TVP23A: variants seen among roughly 807,000 people sequenced by gnomAD.
The protein encoded by TVP23A is Golgi apparatus membrane protein TVP23 homolog A.
In TVP23A, 21 loss-of-function variants were observed where a neutral mutation model predicts 31.7. That is an observed-to-expected ratio of 0.66 (90% confidence interval 0.47 to 0.95). TVP23A has a LOEUF of 0.95. Among genes scored for constraint, TVP23A ranks in the 40% least tolerant of loss-of-function variants. The pLI, the probability that TVP23A is intolerant of heterozygous loss-of-function variation, is 0.00. For missense variants in TVP23A, 279 were observed against 255.6 expected (o/e 1.09, Z -0.62); for synonymous variants, 104 against 96.0 (o/e 1.08, Z -0.49).
chr16:10,769,020 C>A lies in TVP23A; in HGVS notation c.*82G>T, dbSNP rs201978663. The A allele has an allele frequency of 1.9e-6, 3 of 1,612,436 alleles. No homozygotes were observed. In the East Asian group the frequency reaches 6.7e-5, roughly 36 times the overall value. ...TCAAGGGGTAGACAAGCCATTAGCA[C>A]TCTATGCCTGTCGTCTTGTTTTCCA... is the stretch of plus-strand genomic sequence containing the variant. On this transcript the variant is annotated 3_prime_UTR_variant, in exon 8 of 8. Coordinates refer to ENST00000299866, the MANE Select transcript of TVP23A (RefSeq NM_001079512.4).
rs2032125734 is a variant in TVP23A at position 10,777,574 on chromosome 16, G to A, written c.90-2478C>T. Among the ~76,000 whole-genome samples the A allele has an allele frequency of 6.7e-6, 1 of 148,948 alleles. No homozygotes were observed. On this transcript the variant is annotated intron_variant, in intron 2 of 7. Transcript: ENST00000299866. This position sits in a 1 kb window ranked among gnomAD's most constrained non-coding sequence, Gnocchi z 4.5. ...ACTCCCAGGGGAATGTTAAGATTCA[G>A]AAGCAGACTTCACAGTGACTTTTTT...
Position 10,815,575 on chromosome 16 carries a change from C to T in TVP23A, c.89+2528G>A, listed in dbSNP as rs547426950. ...TTTATGGATGGGCTGCTACTGGCAT[C>T]TGGTGAATAGAGGCCAGGAATGCTG... On this transcript the variant is annotated intron_variant, in intron 2 of 7. Coordinates refer to ENST00000299866, the MANE Select transcript of TVP23A (RefSeq NM_001079512.4). Among the ~76,000 whole-genome samples, 18 of 152,300 alleles carry T rather than the reference C, an allele frequency of 1.2e-4. No homozygotes were observed. In the South Asian group the frequency reaches 3.7e-3, roughly 32 times the overall value.
chr16:10,779,327 T>C lies in TVP23A; in HGVS notation c.90-4231A>G, dbSNP rs1277098060. 6.6e-6 allele frequency among the ~76,000 whole-genome samples: 1 copy of C among 152,236 alleles called. No homozygotes were observed. The highest frequency in any genetic ancestry group is 1.9e-4 in the East Asian group (1 of 5,198). On this transcript the variant is annotated intron_variant, in intron 2 of 7. Transcript: ENST00000299866. The surrounding 1 kb of genome is among the most constrained non-coding windows in gnomAD (Gnocchi z 4.9). ...GTCCCTATCTGGAGTTTGCCCAGCC[T>C]GTGCCTCTAGCTAATACTGTGTGAT...
chr16:10,762,083 G>T (rs1021457665), downstream of TVP23A: 2 of 475,822 alleles, frequency 4.2e-6, no homozygotes, highest in Non-Finnish European at 3.8e-6. Context: ...CAGGCAGAGG[G>T]GTGAGGCCTG....
At chr16:10,760,575 A>G (rs1900877898), downstream of TVP23A, among the ~76,000 whole-genome samples, 1 of 152,136 alleles carries the variant, frequency 6.6e-6, no homozygotes, top group Non-Finnish European at 1.5e-5. Flanking sequence ...CATCTCTATA[A>G]AAAATTAAAA....
chr16:10,803,368 C>A (rs574147707), intron 2 of TVP23A, among the ~76,000 whole-genome samples: 6 of 151,980 alleles, frequency 3.9e-5, no homozygotes, highest in African/African-American at 1.2e-4. Flanking sequence ...GCAACAACAA[C>A]ACATGTGTGG....
rs2033038590 is a variant in TVP23A at position 10,790,403 on chromosome 16, G to A, written c.90-15307C>T. ...AGGTTGATGCCATTCTCCTGCCTCA[G>A]CCTCCCGAGTAGCTGGGACTACAGG... On this transcript the variant is annotated intron_variant, in intron 2 of 7. Transcript: ENST00000299866. 2.7e-5 allele frequency among the ~76,000 whole-genome samples: 4 copies of A among 149,432 alleles called. No individual in the cohort carries two copies. In the South Asian group the frequency reaches 8.4e-4, roughly 31 times the overall value.
chr16:10,817,239 G>A (rs937211558), intron 2 of TVP23A, among the ~76,000 whole-genome samples: 10 of 152,218 alleles, frequency 6.6e-5, no homozygotes, highest in Non-Finnish European at 1.2e-4. Context: ...TTGTTCTAGC[G>A]GCCATAGGAA....
chr16:10,815,674 C>G (rs76003134), intron 2 of TVP23A, among the ~76,000 whole-genome samples: 16,324 of 152,178 alleles, frequency 0.11, 1,922 homozygotes, highest in African/African-American at 0.28. Flanking sequence ...GGAGTGCTAA[C>G]ATTAAGCAAA....
chr16:10,771,091 T>A (rs567952207), intron 6 of TVP23A, among the ~76,000 whole-genome samples: 25 of 152,048 alleles, frequency 1.6e-4, no homozygotes, highest in African/African-American at 6.0e-4. Context: ...GAGTTAGTGT[T>A]TTGTGGGTAC....
At chr16:10,790,419 G>T (rs1030938178) in intron 2 of TVP23A, among the ~76,000 whole-genome samples, 6 of 151,794 alleles carry the variant, frequency 4.0e-5, no homozygotes, top group Non-Finnish European at 8.8e-5. Flanking sequence ...CGAGTAGCTG[G>T]GACTACAGGC....
At chr16:10,799,754 C>A (rs1344704752) in intron 2 of TVP23A, among the ~76,000 whole-genome samples, 5 of 152,174 alleles carry the variant, frequency 3.3e-5, no homozygotes, top group Non-Finnish European at 2.9e-5. Context: ...GGGTCCCAGG[C>A]TTACTTGAGG....
intron 2 of TVP23A, among the ~76,000 whole-genome samples, chr16:10,787,458 A>G (rs1171330962): frequency 6.6e-6 from 1 of 152,096 alleles, no homozygotes; most frequent in Non-Finnish European, 1.5e-5. Flanking sequence ...TCTCCTTTCC[A>G]GTCACGTGTA....
intron 2 of TVP23A, among the ~76,000 whole-genome samples, chr16:10,811,821 G>A (rs1340534010): frequency 1.3e-4 from 20 of 149,650 alleles, no homozygotes; most frequent in East Asian, 2.0e-4. Flanking sequence ...GGAGAATGGC[G>A]TGAACCCGGG....
intron 5 of TVP23A, among the ~76,000 whole-genome samples, chr16:10,772,098 C>G (rs116765913): frequency 6.6e-6 from 1 of 152,188 alleles, no homozygotes; most frequent in Non-Finnish European, 1.5e-5. Context: ...TCTCAAGCCA[C>G]GTAGAAATGC....
intron 2 of TVP23A, among the ~76,000 whole-genome samples, chr16:10,814,636 G>A (rs1052161914): frequency 2.6e-5 from 4 of 151,952 alleles, no homozygotes; most frequent in South Asian, 2.1e-4. Flanking sequence ...CATGGTGACC[G>A]AACTCTGGAA....
In TVP23A at chr16:10,766,746, G is replaced by A. The variant is rs2030939920; in HGVS notation, c.*2356C>T. ...CGGTGTGGGAGGAGAACGGGCCTGAGAATAGGGGCTCAAAGGCCCCATTAC... is the reference window on the plus strand; with the variant it reads ...CGGTGTGGGAGGAGAACGGGCCTGAAAATAGGGGCTCAAAGGCCCCATTAC... On this transcript the variant is annotated 3_prime_UTR_variant, in exon 8 of 8. Transcript: ENST00000299866. This position sits in a 1 kb window ranked among gnomAD's most constrained non-coding sequence, Gnocchi z 4.8. 3 of 395,096 alleles carry A rather than the reference G, an allele frequency of 7.6e-6. No individual in the cohort carries two copies. Among genetic ancestry groups the A allele is most frequent in the Non-Finnish European group, 1.3e-5 (3 of 224,468 alleles). The allele number at this position is 395,096 out of a possible 1,614,324, so 24.5% of individuals were successfully genotyped here. A position where few individuals can be genotyped will look rare whatever the true frequency, so the allele number is the denominator to read the frequency against.
intron 2 of TVP23A, among the ~76,000 whole-genome samples, chr16:10,786,529 C>T (rs1239884141): frequency 1.3e-5 from 2 of 152,256 alleles, no homozygotes; most frequent in East Asian, 3.9e-4. Context: ...ATTTTAAATT[C>T]TGTGTCCTCT....
chr16:10,790,473 G>C (rs909643206), intron 2 of TVP23A, among the ~76,000 whole-genome samples: 7 of 151,938 alleles, frequency 4.6e-5, no homozygotes, highest in African/African-American at 1.7e-4. Flanking sequence ...TTTTAGTAGA[G>C]ACAGGGTTTC....
Sources: gnomAD v4.1 joint callset for allele counts (sites outside exome capture counted in the v4.1 genomes callset) on GRCh38, gnomAD v4.1.1 for gene constraint, Gnocchi (gnomAD v3.1) non-coding constraint, MANE v1.5 for transcripts, NCBI Gene and HGNC (gene_info 2026-07-23, HGNC 2026-07-21) for gene names.